Variants in NLRP8 observed in about 807,000 individuals in gnomAD.
NLRP8 encodes the protein NLR family pyrin domain containing 8, also known as NACHT, LRR and PYD domains-containing protein 8.
In NLRP8, 86 loss-of-function variants were observed where a neutral mutation model predicts 88.7. That is an observed-to-expected ratio of 0.97 (90% CI 0.81 to 1.16). The LOEUF is 1.16. Among genes scored for constraint, NLRP8 ranks in the 50% most tolerant of loss-of-function variants. NLRP8 has a pLI of 0.00. For synonymous variants in NLRP8, 504 were observed against 494.6 expected (o/e 1.02, Z -0.25); for missense variants, 1,342 against 1,286.5 (o/e 1.04, Z -0.66).
chr19:55,983,843 A>T (rs1199491535), intron 9 of NLRP8, among the ~76,000 whole-genome samples: 2 of 134,330 alleles, frequency 1.5e-5, no homozygotes, highest in Non-Finnish European at 3.3e-5. Context: ...AAAAAAAAAA[A>T]GATAAAATTC....
Position 55,948,135 on chromosome 19 carries a change from C to T in NLRP8, c.233C>T (p.Thr78Ile), listed in dbSNP as rs930871654. 1 of 1,614,196 alleles carries T rather than the reference C, an allele frequency of 6.2e-7. No homozygotes were observed. The highest frequency in any genetic ancestry group is 1.3e-5 in the African/African-American group (1 of 75,052). ...CCCATCACCTGGGACCAGGTCGAGA[C>T]AGCCAGCTGGGCAGAGGTGGTTCAT... The change falls in exon 1 of 10, where the codon ACA becomes ATA. Residue 78 changes from threonine (T) to isoleucine (I), a missense_variant. Transcript: ENST00000291971.
intron 8 of NLRP8, among the ~76,000 whole-genome samples, chr19:55,978,267 G>A (rs1318289243): frequency 6.6e-6 from 1 of 152,102 alleles, no homozygotes; most frequent in African/African-American, 2.4e-5. Flanking sequence ...TATACGTAAT[G>A]TTAAATGGCG....
chr19:55,947,864 T>C lies in NLRP8; in HGVS notation c.-39T>C, dbSNP rs916824434. 2 of 1,565,774 alleles carry C rather than the reference T, an allele frequency of 1.3e-6. No individual in the cohort carries two copies. Among genetic ancestry groups the C allele is most frequent in the Non-Finnish European group, 1.7e-6 (2 of 1,153,338 alleles). ...GTTTCTCTCTTCCAATCGGTTGTCT[T>C]TATCGTGGACACTGAGGTGTTCTCT... On this transcript the variant is annotated 5_prime_UTR_variant, in exon 1 of 10. Coordinates refer to ENST00000291971, the MANE Select transcript of NLRP8 (RefSeq NM_176811.2).
chr19:55,962,588 G>C (rs756348896), intron 4 of NLRP8, among the ~76,000 whole-genome samples: 1 of 152,090 alleles, frequency 6.6e-6, no homozygotes, highest in South Asian at 2.1e-4. Flanking sequence ...ACTTCAATGC[G>C]CCCATCCATA....
At chr19:55,965,168 A>G (rs1215622538) in intron 4 of NLRP8, among the ~76,000 whole-genome samples, 3 of 151,996 alleles carry the variant, frequency 2.0e-5, no homozygotes, top group African/African-American at 7.2e-5. Flanking sequence ...TGAGCTTTGT[A>G]GGCCGGGTGT....
At chr19:55,969,877 A>T (rs1286345389) in intron 5 of NLRP8, among the ~76,000 whole-genome samples, 2 of 152,168 alleles carry the variant, frequency 1.3e-5, no homozygotes, top group African/African-American at 4.8e-5. Context: ...TGCTTCACTG[A>T]ATGTCTTTAT....
rs372122971 is a variant in NLRP8, at chr19:55,970,616, A to T, written c.2454A>T (p.Leu818=). The T allele has an allele frequency of 6.2e-7, 1 of 1,613,998 alleles. No individual in the cohort carries two copies. Among genetic ancestry groups the T allele is most frequent in the African/African-American group, 1.3e-5 (1 of 74,894 alleles). ...ATAATCTTCAAGGTAACGGGCATCT[A>T]AAGACTCTCATACTAAGAAAAAACT... The change falls in exon 6 of 10, where the codon CTA becomes CTT. Residue 818 remains leucine, a synonymous_variant. Coordinates refer to ENST00000291971, the MANE Select transcript of NLRP8 (RefSeq NM_176811.2).
At chr19:55,978,941 T>A (rs79961597) in intron 8 of NLRP8, among the ~76,000 whole-genome samples, 1,623 of 151,838 alleles carry the variant, frequency 0.011, 34 homozygotes, top group African/African-American at 0.036. Flanking sequence ...AATTTTTTTT[T>A]AAAAAGATCC....
chr19:55,955,287 T>C lies in NLRP8; in HGVS notation c.1229T>C (p.Met410Thr). Residue 410 changes from methionine (M) to threonine (T), a missense_variant, in exon 3 of 10, where the codon ATG becomes ACG. Met to Thr is a moderately conservative substitution (Grantham distance 81, BLOSUM62 -1). Transcript: ENST00000291971. ...GTCTGCTCTGGTCTGAAACAGCAAA[T>C]GGAGAGAGGAAACAATCTCACACAG... 1 of 1,614,110 alleles carries C rather than the reference T, an allele frequency of 6.2e-7. No homozygotes were observed. Among genetic ancestry groups the C allele is most frequent in the Non-Finnish European group, 8.5e-7 (1 of 1,180,024 alleles).
chr19:55,975,898 T>C (rs930752659), intron 7 of NLRP8, among the ~76,000 whole-genome samples: 1 of 152,192 alleles, frequency 6.6e-6, no homozygotes, highest in Non-Finnish European at 1.5e-5. Context: ...TACAACTTTA[T>C]AAATAGACTG....
At chr19:55,961,607 GC>G (rs1373245278) in intron 3 of NLRP8, among the ~76,000 whole-genome samples, 1 of 151,622 alleles carries the variant, frequency 6.6e-6, no homozygotes, top group Non-Finnish European at 1.5e-5. Flanking sequence ...TTCAAGACCA[GC>G]CTGGGTAACA....
chr19:55,973,571 A>G (rs1980171311), intron 6 of NLRP8, 81 bp from the exon 7 acceptor site: 2 of 1,297,850 alleles, frequency 1.5e-6, no homozygotes, highest in Non-Finnish European at 2.1e-6. Flanking sequence ...CCAGAGGGAG[A>G]GCCCTGACTG....
chr19:55,960,263 G>A (rs961956337), intron 3 of NLRP8, among the ~76,000 whole-genome samples: 3 of 152,124 alleles, frequency 2.0e-5, no homozygotes, highest in Admixed American at 6.5e-5. Context: ...AGCTGCTAGC[G>A]AGACCTGGCC....
chr19:55,965,518 A>G (rs1236803432), intron 4 of NLRP8, among the ~76,000 whole-genome samples: 1 of 152,138 alleles, frequency 6.6e-6, no homozygotes, highest in East Asian at 1.9e-4. Flanking sequence ...TTTAAAACCA[A>G]AAGCATGATT....
intron 6 of NLRP8, among the ~76,000 whole-genome samples, chr19:55,972,088 C>G (rs1274261808): frequency 1.3e-5 from 2 of 150,778 alleles, no homozygotes; most frequent in Non-Finnish European, 2.9e-5. Context: ...CTCTCTTAAT[C>G]CCATATATTT....
intron 9 of NLRP8, among the ~76,000 whole-genome samples, chr19:55,986,764 C>T (rs181508428): frequency 3.3e-5 from 5 of 151,558 alleles, no homozygotes; most frequent in Admixed American, 6.6e-5. Flanking sequence ...CTTCTTTTTT[C>T]CGTGATTGCC....
rs1168646598 is a variant in NLRP8 at position 55,947,946 on chromosome 19, C to T, written c.44C>T (p.Ser15Leu). The change falls in exon 1 of 10, where the codon TCA (serine) becomes TTA (leucine). Residue 15 changes from serine to leucine, a missense_variant. Coordinates refer to ENST00000291971, the MANE Select transcript of NLRP8 (RefSeq NM_176811.2). ...CCCTCTGACACCCCCATTCCCTTTTCATCCTCCTCCACTCACAGTTCTCAT... is the reference window on the plus strand; with the variant it reads ...CCCTCTGACACCCCCATTCCCTTTTTATCCTCCTCCACTCACAGTTCTCAT... 1 of 1,613,862 alleles carries T rather than the reference C, an allele frequency of 6.2e-7. No individual in the cohort carries two copies. Among genetic ancestry groups the T allele is most frequent in the African/African-American group, 1.3e-5 (1 of 74,920 alleles).
rs373913932 is a variant in NLRP8 at position 55,973,649 on chromosome 19, T to C, written c.2535-3T>C. 6.3e-7 allele frequency: 1 copy of C among 1,599,736 alleles called. No individual in the cohort carries two copies. Among genetic ancestry groups the C allele is most frequent in the Non-Finnish European group, 8.5e-7 (1 of 1,170,276 alleles). Reference sequence around the variant, plus strand: ...CAGTCATCTGTGTGCTTCTCTCCCATAGGATAGAGAACTGCAACCTTACAC... The same window carrying C: ...CAGTCATCTGTGTGCTTCTCTCCCACAGGATAGAGAACTGCAACCTTACAC... On this transcript the variant is annotated splice_polypyrimidine_tract_variant and splice_region_variant and intron_variant, in intron 6 of 9. Coordinates refer to ENST00000291971, the MANE Select transcript of NLRP8 (RefSeq NM_176811.2).
rs140423063 is a variant in NLRP8 at position 55,987,900 on chromosome 19, A to G, written c.3134A>G (p.Gln1045Arg). The change falls in exon 10 of 10, where the codon CAG (glutamine) becomes CGG (arginine). Residue 1045 changes from glutamine to arginine, a missense_variant. By Grantham distance (43) the Gln-to-Arg change is conservative. Transcript: ENST00000291971. ...ACGGGAAAAAGTGACTGCCTATCCC[A>G]GATTAATCCTTAGGCCGTCCAGTCA... is the stretch of plus-strand genomic sequence containing the variant. 11 of 1,613,072 alleles carry G rather than the reference A, an allele frequency of 6.8e-6. No homozygotes were observed. The highest frequency in any genetic ancestry group is 1.3e-5 in the African/African-American group (1 of 74,884).
Sources: gnomAD v4.1 joint callset for allele counts (sites outside exome capture counted in the v4.1 genomes callset) on GRCh38, gnomAD v4.1.1 for gene constraint, MANE v1.5 for transcripts, NCBI Gene and HGNC (gene_info 2026-07-23, HGNC 2026-07-21) for gene names.